MTR: variants seen among roughly 807,000 people sequenced by gnomAD.
MTR encodes 5-methyltetrahydrofolate-homocysteine methyltransferase, also known as methionine synthase.
Under a neutral mutation model 154.8 loss-of-function variants are expected in MTR, and 84 were observed. That is an observed-to-expected ratio of 0.54 (90% CI 0.45 to 0.65). The LOEUF is 0.65. MTR is among the 30% of genes least tolerant of loss of function. The pLI is 0.00. For synonymous variants in MTR, 554 were observed against 553.9 expected (o/e 1.00, Z 0.00); for missense variants, 1,275 against 1,570.2 (o/e 0.81, Z 3.18).
At chr1:236,835,992 G>A (rs1469419768) in intron 14 of MTR, among the ~76,000 whole-genome samples, 1 of 152,120 alleles carries the variant, frequency 6.6e-6, no homozygotes. Flanking sequence ...GTATGTGAAG[G>A]AAAATCATTG....
At chr1:236,834,731 T>A (rs1245922121) in intron 13 of MTR, among the ~76,000 whole-genome samples, 1 of 152,224 alleles carries the variant, frequency 6.6e-6, no homozygotes, top group African/African-American at 2.4e-5. Context: ...ACAAAAAGTC[T>A]CTGCCTTGTT....
chr1:236,863,658 G>A, intron 22 of MTR, 104 bp downstream of exon 22: 2 of 959,668 alleles, frequency 2.1e-6, no homozygotes, highest in East Asian at 2.6e-5. Flanking sequence ...CATGGCAGTG[G>A]ATGTTAGAGG....
At chr1:236,834,635 A>T (rs1662800023) in intron 13 of MTR, among the ~76,000 whole-genome samples, 2 of 152,194 alleles carry the variant, frequency 1.3e-5, no homozygotes, top group South Asian at 4.1e-4. Flanking sequence ...GGCTAAAAAA[A>T]AATCAAGACA....
chr1:236,860,405 G>GTT (rs200802890), intron 19 of MTR, among the ~76,000 whole-genome samples: 7 of 126,662 alleles, frequency 5.5e-5, no homozygotes, highest in Admixed American at 3.0e-4. Context: ...GTTTTGTTTT[G>GTT]TTTTGTTTTT....
chr1:236,835,637 G>A lies in MTR; in HGVS notation c.1279G>A (p.Ala427Thr). ...MDDGMLDGPS[A>T]MTRFCNLIAS... ...TGATGGCATGCTAGATGGTCCAAGT[G>A]CAATGACCAGATTTTGCAACTTAAT... is the stretch of plus-strand genomic sequence containing the variant. The change falls in exon 14 of 33, where the codon GCA becomes ACA. Residue 427 changes from alanine (A) to threonine (T), a missense_variant. Physicochemically the swap from Ala to Thr is moderately conservative, Grantham distance 58. Transcript: ENST00000366577. 2 of 1,611,038 alleles carry A rather than the reference G, an allele frequency of 1.2e-6. No homozygotes were observed. Among genetic ancestry groups the A allele is most frequent in the Non-Finnish European group, 1.7e-6 (2 of 1,179,486 alleles).
At position 236,822,312 on chromosome 1, in the gene MTR, G is replaced by GTTTTTTTTTTTTT. The variant is rs199660325; in HGVS notation, c.765-1804_765-1792dup. Among the ~76,000 whole-genome samples the GTTTTTTTTTTTTT allele has an allele frequency of 5.6e-5, 7 of 124,926 alleles. 1 individual carries two copies. Among genetic ancestry groups the GTTTTTTTTTTTTT allele is most frequent in the Non-Finnish European group, 4.9e-5 (3 of 61,132 alleles). The allele number at this position is 124,926 out of a possible 152,430, so 82.0% of individuals were successfully genotyped here. A position where few individuals can be genotyped will look rare whatever the true frequency, so the allele number is the denominator to read the frequency against. ...TAAATGGTTTTGTGGGGTTTTTTTT[G>GTTTTTTTTTTTTT]TTTTTTTTTTTTTTTGAGACAGCAT... On this transcript the variant is annotated intron_variant, in intron 8 of 32. Transcript: ENST00000366577.
At chr1:236,884,021 A>G (rs1269283052) in intron 25 of MTR, among the ~76,000 whole-genome samples, 1 of 152,018 alleles carries the variant, frequency 6.6e-6, no homozygotes, top group Non-Finnish European at 1.5e-5. Context: ...TTGTGTTTTG[A>G]TGGTAGCTAT....
At chr1:236,798,666 C>A (rs1426163644) in intron 1 of MTR, among the ~76,000 whole-genome samples, 3 of 152,156 alleles carry the variant, frequency 2.0e-5, no homozygotes, top group Non-Finnish European at 4.4e-5. Flanking sequence ...AACTAGTCAG[C>A]TAAGTAAAGG....
chr1:236,829,864 A>G (rs1172958458), intron 12 of MTR, among the ~76,000 whole-genome samples: 1 of 152,218 alleles, frequency 6.6e-6, no homozygotes, highest in Middle Eastern at 3.2e-3. Flanking sequence ...TTGTTAGAAA[A>G]ATAACTTTAA....
At position 236,831,968 on chromosome 1, in the gene MTR, C is replaced by T; in HGVS notation, c.1078C>T (p.Leu360=). 6.2e-7 allele frequency: 1 copy of T among 1,613,544 alleles called. No individual in the cohort carries two copies. Among genetic ancestry groups the T allele is most frequent in the South Asian group, 1.1e-5 (1 of 91,060 alleles). The part of the protein sequence containing the change: ...AFEGHMLLSG[L]EPFRIGPYTN... The stretch of plus-strand genomic sequence containing the variant: ...TTCAAAATGCTTCTCCTTTTAAGGT[C>T]TAGAGCCCTTCAGGATTGGACCGTA... Residue 360 remains leucine, a splice_region_variant and synonymous_variant, in exon 13 of 33, where the codon CTA becomes TTA. Transcript: ENST00000366577.
intron 5 of MTR, among the ~76,000 whole-genome samples, chr1:236,812,058 T>A (rs1407761089): frequency 6.6e-6 from 1 of 152,218 alleles, no homozygotes; most frequent in Admixed American, 6.5e-5. Context: ...TTTTTATATT[T>A]TTAAAGTAGA....
At position 236,861,296 on chromosome 1, in the gene MTR, G is replaced by T. The variant is rs372533462; in HGVS notation, c.2196+19G>T. 1.4e-4 allele frequency: 230 copies of T among 1,613,558 alleles called. No individual in the cohort carries two copies. Among genetic ancestry groups the T allele is most frequent in the Non-Finnish European group, 1.9e-4 (222 of 1,179,842 alleles). On this transcript the variant is annotated intron_variant, in intron 20 of 32. Coordinates refer to ENST00000366577, the MANE Select transcript of MTR (RefSeq NM_000254.3). ...ACCTCAGGTTAGCAAAATATGGGGA[G>T]AAATTTTCACAGTTGCATCTTTTCT... is the stretch of plus-strand genomic sequence containing the variant.
chr1:236,861,141 T>C lies in MTR; in HGVS notation c.2060T>C (p.Ile687Thr), dbSNP rs747181368. Residue 687 changes from isoleucine (I) to threonine (T), a missense_variant, in exon 20 of 33, where the codon ATT (isoleucine) becomes ACT (threonine). Physicochemically the swap from Ile to Thr is moderately conservative, Grantham distance 89. Transcript: ENST00000366577. Reference sequence around the variant, plus strand: ...CTTTTTTAGGGCATTGAAAAACATATTATTGAGGATACTGAGGAAGCCAGG... The same window carrying C: ...CTTTTTTAGGGCATTGAAAAACATACTATTGAGGATACTGAGGAAGCCAGG... ...YALVKGIEKH[I>T]IEDTEEARLN... is the part of the protein sequence containing the mutation. 1.3e-6 allele frequency: 2 copies of C among 1,598,012 alleles called. No homozygotes were observed. The highest frequency in any genetic ancestry group is 1.7e-5 in the Admixed American group (1 of 58,226).
chr1:236,882,430 G>T (rs73131103), intron 25 of MTR, among the ~76,000 whole-genome samples: 3,544 of 144,070 alleles, frequency 0.025, 58 homozygotes, highest in South Asian at 0.091. Flanking sequence ...TTGCCCTGTT[G>T]CCCAGGCTGA....
At chr1:236,811,920 CTT>C (rs906171320) in intron 5 of MTR, among the ~76,000 whole-genome samples, 2 of 152,174 alleles carry the variant, frequency 1.3e-5, no homozygotes, top group Non-Finnish European at 2.9e-5. Context: ...GTTGTGTAGG[CTT>C]CTCTGTTGGA....
At position 236,819,276 on chromosome 1, in the gene MTR, G is replaced by T. The variant is rs992287033; in HGVS notation, c.764+2733G>T. 3.9e-5 allele frequency among the ~76,000 whole-genome samples: 6 copies of T among 152,142 alleles called. No homozygotes were observed. In the East Asian group the frequency reaches 9.7e-4, roughly 25 times the overall value. On this transcript the variant is annotated intron_variant, in intron 8 of 32. Transcript: ENST00000366577. The stretch of plus-strand genomic sequence containing the variant: ...CTCCAGTTATTTATTCTTTTTCCTG[G>T]CCTGCTGGCAACAAATCTTCTCACT...
At chr1:236,894,708 G>A (rs577194395) in intron 30 of MTR, 151 bp downstream of exon 30, 78 of 713,924 alleles carry the variant, frequency 1.1e-4, no homozygotes, top group South Asian at 1.0e-3. Context: ...AACATTATAC[G>A]TATTTTAATA....
At chr1:236,878,817 A>T (rs1665572924) in intron 24 of MTR, among the ~76,000 whole-genome samples, 1 of 152,194 alleles carries the variant, frequency 6.6e-6, no homozygotes, top group African/African-American at 2.4e-5. Context: ...TCAGGAGGCC[A>T]TGGAGTTCAT....
Position 236,897,622 on chromosome 1 carries a change from T to C in MTR, c.3776T>C (p.Ile1259Thr). 1 of 1,613,782 alleles carries C rather than the reference T, an allele frequency of 6.2e-7. No individual in the cohort carries two copies. Among genetic ancestry groups the C allele is most frequent in the Non-Finnish European group, 8.5e-7 (1 of 1,179,834 alleles). The part of the protein sequence containing the change: ...VAEVEKWLGP[I>T]LGYDTD ...GAGGTTGAGAAATGGCTTGGACCCA[T>C]TTTGGGATATGATACAGACTAACTT... Residue 1259 changes from isoleucine (I) to threonine (T), a missense_variant, in exon 33 of 33, where the codon ATT (isoleucine) becomes ACT (threonine). Ile to Thr is a moderately conservative substitution (Grantham distance 89). Coordinates refer to ENST00000366577, the MANE Select transcript of MTR (RefSeq NM_000254.3).
Sources: gnomAD v4.1 joint callset for allele counts (sites outside exome capture counted in the v4.1 genomes callset) on GRCh38, gnomAD v4.1.1 for gene constraint, MANE v1.5 for transcripts, NCBI Gene and HGNC (gene_info 2026-07-23, HGNC 2026-07-21) for gene names.